Variants in SLC38A9 observed in about 807,000 individuals in gnomAD.
SLC38A9 encodes neutral amino acid transporter 9.
In SLC38A9, 48 loss-of-function variants were observed where a neutral mutation model predicts 62.3. The observed-to-expected ratio is 0.77, with a 90% confidence interval of 0.61 to 0.98. The LOEUF is 0.98. SLC38A9 is among the 50% of genes least tolerant of loss of function. SLC38A9 has a pLI of 0.00. For synonymous variants in SLC38A9, 204 were observed against 227.7 expected (o/e 0.90, Z 0.94); for missense variants, 541 against 679.8 (o/e 0.80, Z 2.27).
chr5:55,635,792 A>G (rs1187921263), intron 12 of SLC38A9, 135 bp from the exon 13 acceptor site: 4 of 593,174 alleles, frequency 6.7e-6, no homozygotes, highest in Non-Finnish European at 8.9e-6. Context: ...ACTTCTAGAT[A>G]TTCAATTTGT....
chr5:55,671,574 C>A (rs1751337141), intron 4 of SLC38A9, among the ~76,000 whole-genome samples: 1 of 150,282 alleles, frequency 6.7e-6, no homozygotes, highest in South Asian at 2.1e-4. Flanking sequence ...AATCCCAGCA[C>A]TTTGGGAGCA....
At chr5:55,699,865 G>A (rs944103655) in intron 2 of SLC38A9, among the ~76,000 whole-genome samples, 1 of 152,146 alleles carries the variant, frequency 6.6e-6, no homozygotes, top group Non-Finnish European at 1.5e-5. Context: ...AGAAAATGTG[G>A]AAGGTGTTTA....
intron 12 of SLC38A9, among the ~76,000 whole-genome samples, chr5:55,641,136 G>A (rs1385673319): frequency 1.3e-5 from 2 of 152,256 alleles, no homozygotes; most frequent in East Asian, 1.9e-4. Context: ...CACCATGCCC[G>A]GCCAACATCT....
At chr5:55,630,103 T>C (rs1458145149) in intron 14 of SLC38A9, among the ~76,000 whole-genome samples, 2 of 152,206 alleles carry the variant, frequency 1.3e-5, no homozygotes, top group Non-Finnish European at 2.9e-5. Flanking sequence ...TTTGGCACAG[T>C]ATCAAAGAAG....
chr5:55,686,374 T>C (rs1753819949), intron 3 of SLC38A9, among the ~76,000 whole-genome samples: 1 of 152,166 alleles, frequency 6.6e-6, no homozygotes, highest in Non-Finnish European at 1.5e-5. Context: ...TCTCTAATGA[T>C]CAGTGATATT....
At chr5:55,632,394 C>T (rs992140733) in intron 14 of SLC38A9, among the ~76,000 whole-genome samples, 5 of 152,046 alleles carry the variant, frequency 3.3e-5, no homozygotes, top group Non-Finnish European at 7.4e-5. Context: ...GCCGAGATCG[C>T]GCCACTGCAC....
Position 55,697,726 on chromosome 5 carries a change from A to C in SLC38A9, c.113+120T>G, listed in dbSNP as rs1756107549. On this transcript the variant is annotated intron_variant, in intron 3 of 15. Transcript: ENST00000396865. Reference sequence around the variant, plus strand: ...TTTACTTCTCTCCACATGTATACACACAAATCCTGTAAGAAAGTGGATATT... The same window carrying C: ...TTTACTTCTCTCCACATGTATACACCCAAATCCTGTAAGAAAGTGGATATT... The C allele has an allele frequency of 9.7e-6, 5 of 517,692 alleles. No individual in the cohort carries two copies. The East Asian group carries it at 1.7e-4, about 17-fold the overall frequency. The allele number at this position is 517,692 out of a possible 1,614,324, so 32.1% of individuals were successfully genotyped here.
rs1020618377 is a variant in SLC38A9, at chr5:55,669,635, T to C, written c.369-15A>G. 6.2e-7 allele frequency: 1 copy of C among 1,601,884 alleles called. No homozygotes were observed. The highest frequency in any genetic ancestry group is 8.5e-7 in the Non-Finnish European group (1 of 1,173,302). On this transcript the variant is annotated splice_polypyrimidine_tract_variant and intron_variant, in intron 5 of 15. Transcript: ENST00000396865. ...AAATCATAAAACTGAAAACACAGAGTAATAGCAGTAAAAAAATGGAGTTTC... is the reference window on the plus strand; with the variant it reads ...AAATCATAAAACTGAAAACACAGAGCAATAGCAGTAAAAAAATGGAGTTTC...
At chr5:55,630,396 C>T (rs1024572154) in intron 14 of SLC38A9, among the ~76,000 whole-genome samples, 3 of 152,098 alleles carry the variant, frequency 2.0e-5, no homozygotes, top group African/African-American at 7.2e-5. Flanking sequence ...TGGCTCACTG[C>T]AACCTCCGCC....
At position 55,702,186 on chromosome 5, in the gene SLC38A9, T is replaced by A. The variant is rs1037048832; in HGVS notation, c.-34-4194A>T. ...TAACAATTTAATCTCCATGAGACTA[T>A]CTCTGCATCTTCAAAATTTAAACAA... On this transcript the variant is annotated intron_variant, in intron 2 of 15. Transcript: ENST00000396865. Among the ~76,000 whole-genome samples, 4 of 152,210 alleles carry A rather than the reference T, an allele frequency of 2.6e-5. No individual in the cohort carries two copies. In the East Asian group the frequency reaches 5.8e-4, roughly 22 times the overall value.
intron 9 of SLC38A9, among the ~76,000 whole-genome samples, chr5:55,655,092 G>T (rs1202338954): frequency 1.3e-5 from 2 of 151,968 alleles, no homozygotes; most frequent in Non-Finnish European, 1.5e-5. Context: ...CTCCTGCCTC[G>T]GCCTCCCAAA....
intron 4 of SLC38A9, 78 bp from the exon 5 acceptor site, chr5:55,669,957 G>T: frequency 1.5e-6 from 2 of 1,342,222 alleles, no homozygotes; most frequent in South Asian, 1.5e-5. Context: ...CAGAACACCT[G>T]ACTCTAGACA....
intron 12 of SLC38A9, among the ~76,000 whole-genome samples, chr5:55,645,086 G>C (rs964839041): frequency 6.6e-6 from 1 of 152,030 alleles, no homozygotes; most frequent in Non-Finnish European, 1.5e-5. Flanking sequence ...TTTAAGATGG[G>C]GTTTTGCTCT....
intron 3 of SLC38A9, among the ~76,000 whole-genome samples, chr5:55,681,976 G>A (rs1355250474): frequency 2.6e-5 from 4 of 152,130 alleles, no homozygotes; most frequent in Middle Eastern, 3.4e-3. Flanking sequence ...ATTTACTAAC[G>A]TGTCCTTTAT....
intron 3 of SLC38A9, chr5:55,691,165 T>G (rs1367403044): frequency 3.8e-6 from 3 of 785,516 alleles, no homozygotes; most frequent in Non-Finnish European, 6.5e-6. Context: ...ATCTTGAAAC[T>G]TTTGGTTAGG....
At chr5:55,691,697 G>A (rs769207590) in intron 3 of SLC38A9, among the ~76,000 whole-genome samples, 1 of 152,162 alleles carries the variant, frequency 6.6e-6, no homozygotes, top group Non-Finnish European at 1.5e-5. Flanking sequence ...ACTTGCTAAT[G>A]GAATGTAGCA....
At chr5:55,635,487 T>G in intron 13 of SLC38A9, 57 bp downstream of exon 13, 1 of 1,246,268 alleles carries the variant, frequency 8.0e-7, no homozygotes, top group African/African-American at 1.5e-5. Context: ...TCACCCTACC[T>G]ACTATAAATA....
intron 4 of SLC38A9, among the ~76,000 whole-genome samples, chr5:55,671,542 G>A (rs981115553): frequency 6.9e-6 from 1 of 145,774 alleles, no homozygotes; most frequent in Non-Finnish European, 1.5e-5. Flanking sequence ...TCACATGGCC[G>A]GGCACAGTGG....
At chr5:55,679,900 G>A (rs11747699) in intron 3 of SLC38A9, among the ~76,000 whole-genome samples, 91,295 of 152,076 alleles carry the variant, frequency 0.6, 27,987 homozygotes, top group South Asian at 0.7. Context: ...AAAATAAATC[G>A]CAAATTGTCT....
Sources: gnomAD v4.1 joint callset for allele counts (sites outside exome capture counted in the v4.1 genomes callset) on GRCh38, gnomAD v4.1.1 for gene constraint, MANE v1.5 for transcripts, NCBI Gene and HGNC (gene_info 2026-07-23, HGNC 2026-07-21) for gene names.